Variants in COL25A1 observed in about 807,000 individuals in gnomAD.
The protein encoded by COL25A1 is collagen type XXV alpha 1 chain.
COL25A1 carries 103 observed loss-of-function variants against 128.4 expected under a neutral mutation model. That is an observed-to-expected ratio of 0.80 (90% CI 0.68 to 0.94). The LOEUF (loss-of-function observed/expected upper bound fraction) is 0.94. Among genes scored for constraint, COL25A1 ranks in the 40% least tolerant of loss-of-function variants. The probability of loss-of-function intolerance (pLI) is 0.00; values close to 1 mark genes in which losing one functional copy is unlikely to be tolerated. For synonymous variants in COL25A1, 279 were observed against 277.2 expected, an observed-to-expected ratio of 1.01 and a Z score of -0.06; for missense variants, 745 against 840.0, an observed-to-expected ratio of 0.89 and a Z score of 1.40.
intron 19 of COL25A1, among the ~76,000 whole-genome samples, chr4:108,875,005 C>T (rs1181336685): frequency 1.3e-5 from 2 of 152,126 alleles, no homozygotes; most frequent in Admixed American, 1.3e-4. Flanking sequence ...CTTTTGTTAT[C>T]AGTGAGAACA....
At chr4:109,052,229 G>A (rs1452508407) in intron 3 of COL25A1, among the ~76,000 whole-genome samples, 1 of 152,108 alleles carries the variant, frequency 6.6e-6, no homozygotes, top group Non-Finnish European at 1.5e-5. Flanking sequence ...GATTAAAGAA[G>A]CACTCACATC....
chr4:109,197,447 ATATTATATATAAATATTATATATAAT>A (rs1776175426), intron 3 of COL25A1, among the ~76,000 whole-genome samples: 1 of 118,936 alleles, frequency 8.4e-6, no homozygotes, highest in Non-Finnish European at 1.7e-5. Flanking sequence ...TATATTATAT[ATATTATATATAAATATTATATATAAT>A]ATATATTATA....
intron 22 of COL25A1, among the ~76,000 whole-genome samples, chr4:108,862,070 T>C (rs904876463): frequency 6.6e-6 from 1 of 152,124 alleles, no homozygotes; most frequent in Non-Finnish European, 1.5e-5. Flanking sequence ...ATAAAGAGTA[T>C]GATATAGAGG....
chr4:108,952,699 TC>T (rs1749582912), intron 8 of COL25A1, among the ~76,000 whole-genome samples: 1 of 152,162 alleles, frequency 6.6e-6, no homozygotes, highest in African/African-American at 2.4e-5. Flanking sequence ...CTATCCATTT[TC>T]TGAAAGGAAA....
At chr4:108,954,040 A>C (rs753923381) in intron 8 of COL25A1, among the ~76,000 whole-genome samples, 8 of 152,186 alleles carry the variant, frequency 5.3e-5, no homozygotes, top group Non-Finnish European at 1.2e-4. Flanking sequence ...GTTATACACT[A>C]TCTCTAGCAG....
intron 5 of COL25A1, among the ~76,000 whole-genome samples, chr4:109,017,201 T>C (rs1648030): frequency 0.51 from 77,768 of 152,146 alleles, 22,628 homozygotes; most frequent in African/African-American, 0.78. Flanking sequence ...TCTGTGACAG[T>C]ACCTGGAGCT....
chr4:108,910,222 C>A (rs528267493), intron 13 of COL25A1, among the ~76,000 whole-genome samples: 1 of 152,168 alleles, frequency 6.6e-6, no homozygotes, highest in East Asian at 1.9e-4. Flanking sequence ...ATAAATTATT[C>A]TTTCTCTTGG....
intron 8 of COL25A1, among the ~76,000 whole-genome samples, chr4:108,944,980 G>T (rs1320511123): frequency 6.6e-6 from 1 of 152,174 alleles, no homozygotes; most frequent in Non-Finnish European, 1.5e-5. Flanking sequence ...CATGTGGACA[G>T]AGTTTCTTAT....
At chr4:108,824,621 A>C (rs1282752942) in intron 34 of COL25A1, among the ~76,000 whole-genome samples, 2 of 152,190 alleles carry the variant, frequency 1.3e-5, no homozygotes, top group African/African-American at 4.8e-5. Context: ...ATGTACTACA[A>C]AGTACCAGAA....
intron 6 of COL25A1, among the ~76,000 whole-genome samples, chr4:108,983,386 G>A (rs978803250): frequency 5.9e-5 from 9 of 152,122 alleles, no homozygotes; most frequent in Admixed American, 6.5e-5. Context: ...AATGTATTCA[G>A]AGATACGTTC....
chr4:108,988,004 G>T (rs1753816906), intron 6 of COL25A1, among the ~76,000 whole-genome samples: 1 of 152,052 alleles, frequency 6.6e-6, no homozygotes, highest in Admixed American at 6.6e-5. Flanking sequence ...AACATACCAG[G>T]GCCCTTGAGG....
At chr4:108,926,127 G>A (rs1285687599) in intron 11 of COL25A1, among the ~76,000 whole-genome samples, 1 of 152,148 alleles carries the variant, frequency 6.6e-6, no homozygotes, top group Non-Finnish European at 1.5e-5. Flanking sequence ...ACTGATGTTA[G>A]CACAAATTTG....
chr4:109,075,305 A>C (rs569178379), intron 3 of COL25A1, among the ~76,000 whole-genome samples: 34 of 152,254 alleles, frequency 2.2e-4, no homozygotes, highest in African/African-American at 8.2e-4. Context: ...TAATAAAATA[A>C]TTACTAAATT....
chr4:108,818,878 A>T (rs1731499083), intron 36 of COL25A1, among the ~76,000 whole-genome samples: 1 of 151,998 alleles, frequency 6.6e-6, no homozygotes, highest in African/African-American at 2.4e-5. Context: ...TTTTTAGAGA[A>T]AAAGAAAAAA....
chr4:108,944,340 T>C (rs1236114097), intron 8 of COL25A1, among the ~76,000 whole-genome samples: 1 of 152,326 alleles, frequency 6.6e-6, no homozygotes, highest in South Asian at 2.1e-4. Context: ...CTATGGAATA[T>C]GAGTTTAAAA....
At chr4:109,180,220 A>G (rs1454224732) in intron 3 of COL25A1, among the ~76,000 whole-genome samples, 1 of 152,216 alleles carries the variant, frequency 6.6e-6, no homozygotes, top group Non-Finnish European at 1.5e-5. Context: ...ACAAATGACC[A>G]TAACATAAGA....
chr4:109,165,090 TAG>T (rs1772940141), intron 3 of COL25A1, among the ~76,000 whole-genome samples: 1 of 152,202 alleles, frequency 6.6e-6, no homozygotes, highest in Non-Finnish European at 1.5e-5. Context: ...CCTTTGCACA[TAG>T]AACTAGACTG....
intron 3 of COL25A1, among the ~76,000 whole-genome samples, chr4:109,134,531 T>C (rs1050037394): frequency 1.3e-5 from 2 of 152,098 alleles, no homozygotes; most frequent in African/African-American, 4.8e-5. Context: ...CCATTTCCAA[T>C]GAGAGTCACT....
intron 29 of COL25A1, among the ~76,000 whole-genome samples, chr4:108,844,878 G>A (rs1185835446): frequency 2.6e-5 from 4 of 152,282 alleles, no homozygotes; most frequent in African/African-American, 9.6e-5. Flanking sequence ...CTAAGCATAA[G>A]CAGGGCTCTG....
Sources: allele counts gnomAD v4.1 joint callset (sites outside exome capture counted in the v4.1 genomes callset), GRCh38; gene constraint gnomAD v4.1.1; transcripts MANE v1.5; gene names NCBI Gene and HGNC (gene_info 2026-07-23, HGNC 2026-07-21).